The following CNTNAP5 variants were observed in gnomAD, a reference collection of about 807,000 sequenced individuals.
CNTNAP5 encodes contactin-associated protein-like 5.
Under a neutral mutation model 150.2 loss-of-function variants are expected in CNTNAP5, and 72 were observed. That is an observed-to-expected ratio of 0.48 (90% CI 0.40 to 0.58). CNTNAP5 has a LOEUF of 0.58. CNTNAP5 is among the 20% of genes least tolerant of loss of function. The pLI is 0.00. For missense variants in CNTNAP5, 1,636 were observed against 1,626.2 expected, an observed-to-expected ratio of 1.01 and a Z score of -0.10; for synonymous variants, 672 against 619.8, an observed-to-expected ratio of 1.08 and a Z score of -1.25.
intron 1 of CNTNAP5, among the ~76,000 whole-genome samples, chr2:124,153,603 CTT>C (rs948493792): frequency 1.4e-4 from 12 of 85,070 alleles, no homozygotes; most frequent in East Asian, 3.8e-4. Flanking sequence ...CCCCCCGGGA[CTT>C]TTTTTTTTTT....
intron 3 of CNTNAP5, among the ~76,000 whole-genome samples, chr2:124,259,106 T>A (rs956614752): frequency 1.3e-5 from 2 of 150,162 alleles, no homozygotes; most frequent in South Asian, 2.1e-4. Context: ...GAACATGTGA[T>A]GTTTGGTTTT....
rs370859068 is a variant in CNTNAP5 at position 124,647,855 on chromosome 2, C to A, written c.1974C>A (p.Tyr658Ter). Residue 658 changes from tyrosine (Y) to a stop codon, truncating the protein, a stop_gained, in exon 13 of 24, where the codon TAC (tyrosine) becomes TAA (stop). Coordinates refer to ENST00000682447, the MANE Select transcript of CNTNAP5 (RefSeq NM_001367498.1). LOFTEE classifies it high-confidence loss of function. ...PEKPYAMALDYGGSMEQLEAV... is the reference protein window; with the variant it reads ...PEKPYAMALD ...AGCCCTATGCCATGGCCTTGGACTACGGGGGCAGCATGGAACAGCTGGAGG... is the reference window on the plus strand; with the variant it reads ...AGCCCTATGCCATGGCCTTGGACTAAGGGGGCAGCATGGAACAGCTGGAGG... 1 of 1,613,240 alleles carries A rather than the reference C, an allele frequency of 6.2e-7. No homozygotes were observed. Among genetic ancestry groups the A allele is most frequent in the African/African-American group, 1.3e-5 (1 of 74,902 alleles).
intron 3 of CNTNAP5, among the ~76,000 whole-genome samples, chr2:124,370,413 C>T (rs190653429): frequency 2.2e-4 from 34 of 152,188 alleles, no homozygotes; most frequent in Middle Eastern, 3.4e-3. Flanking sequence ...TCTGCTGGAA[C>T]CCTGCTTTTA....
At chr2:124,605,822 AAAAAAAAAAAAG>A (rs1697093368) in intron 11 of CNTNAP5, among the ~76,000 whole-genome samples, 1 of 148,800 alleles carries the variant, frequency 6.7e-6, no homozygotes, top group Non-Finnish European at 1.5e-5. Context: ...AAAAAAAAAA[AAAAAAAAAAAAG>A]AAGGAAAGAA....
At chr2:124,858,703 G>A (rs1338119001) in intron 19 of CNTNAP5, among the ~76,000 whole-genome samples, 1 of 151,922 alleles carries the variant, frequency 6.6e-6, no homozygotes, top group Non-Finnish European at 1.5e-5. Flanking sequence ...GCATACAATG[G>A]ATACACAAAA....
chr2:124,687,322 C>T (rs992966045), intron 13 of CNTNAP5, among the ~76,000 whole-genome samples: 2 of 151,934 alleles, frequency 1.3e-5, no homozygotes, highest in Non-Finnish European at 2.9e-5. Context: ...ATACTCAGGT[C>T]TTCACTTAAC....
Position 124,084,090 on chromosome 2 carries a change from C to A in CNTNAP5, c.82+58358C>A. Among the ~76,000 whole-genome samples, 2 of 151,976 alleles carry A rather than the reference C, an allele frequency of 1.3e-5. 1 individual carries two copies. The highest frequency in any genetic ancestry group is 1.3e-4 in the Admixed American group (2 of 15,262). The stretch of plus-strand genomic sequence containing the variant: ...TTTTGTAGTTTTTAGCATAAAAGCC[C>A]TGGTCATGTTTTCTTTAGATTTAAT... On this transcript the variant is annotated intron_variant, in intron 1 of 23. Transcript: ENST00000682447.
chr2:124,676,050 T>C (rs902783754), intron 13 of CNTNAP5, among the ~76,000 whole-genome samples: 2 of 152,248 alleles, frequency 1.3e-5, no homozygotes, highest in African/African-American at 2.4e-5. Context: ...TTTACTGGAC[T>C]AATGATAAAA....
intron 7 of CNTNAP5, among the ~76,000 whole-genome samples, chr2:124,478,583 G>C (rs567223208): frequency 6.6e-6 from 1 of 151,960 alleles, no homozygotes; most frequent in Admixed American, 6.6e-5. Context: ...AATTTCTTAC[G>C]AGAAGCAATG....
intron 3 of CNTNAP5, among the ~76,000 whole-genome samples, chr2:124,310,723 T>C (rs967358338): frequency 6.6e-6 from 1 of 152,108 alleles, no homozygotes; most frequent in South Asian, 2.1e-4. Flanking sequence ...AAATAGGGAA[T>C]AATTTCAAGG....
At chr2:124,288,577 T>G (rs1030591870) in intron 3 of CNTNAP5, among the ~76,000 whole-genome samples, 3 of 152,228 alleles carry the variant, frequency 2.0e-5, no homozygotes, top group Admixed American at 2.0e-4. Context: ...ACTTTTATTT[T>G]GAGTTAACTT....
At chr2:124,544,731 G>A (rs1049727130) in intron 10 of CNTNAP5, among the ~76,000 whole-genome samples, 16 of 152,168 alleles carry the variant, frequency 1.1e-4, no homozygotes, top group Non-Finnish European at 2.2e-4. Flanking sequence ...CACTCTGCTA[G>A]GGCCAGTACT....
At chr2:124,799,156 T>A (rs549957125) in intron 19 of CNTNAP5, among the ~76,000 whole-genome samples, 2 of 152,190 alleles carry the variant, frequency 1.3e-5, no homozygotes, top group Non-Finnish European at 2.9e-5. Context: ...TAGGTTCTAG[T>A]GCCTAAATTG....
At chr2:124,791,204 A>T (rs1681720609) in intron 18 of CNTNAP5, among the ~76,000 whole-genome samples, 1 of 152,124 alleles carries the variant, frequency 6.6e-6, no homozygotes, top group Non-Finnish European at 1.5e-5. Context: ...AAAAGCACTC[A>T]CTGTTTTATT....
At chr2:124,213,770 A>ACT (rs2104728787) in intron 1 of CNTNAP5, among the ~76,000 whole-genome samples, 1 of 152,300 alleles carries the variant, frequency 6.6e-6, no homozygotes, top group South Asian at 2.1e-4. Flanking sequence ...AACAAAAAAA[A>ACT]ATCAGTGGCA....
At chr2:124,726,143 C>T (rs2105121821) in intron 13 of CNTNAP5, among the ~76,000 whole-genome samples, 1 of 151,500 alleles carries the variant, frequency 6.6e-6, no homozygotes, top group Middle Eastern at 3.4e-3. Context: ...TTAAATTTTC[C>T]CTTTTAATTA....
rs746649343 is a variant in CNTNAP5, at chr2:124,743,592, G to A, written c.2078-3637G>A. On this transcript the variant is annotated intron_variant, in intron 13 of 23. Coordinates refer to ENST00000682447, the MANE Select transcript of CNTNAP5 (RefSeq NM_001367498.1). Reference sequence around the variant, plus strand: ...GAGGTCATGGTGGTGCAGACAGCATGTCGACTGAATCCGTCTCTAGGCGTT... The same window carrying A: ...GAGGTCATGGTGGTGCAGACAGCATATCGACTGAATCCGTCTCTAGGCGTT... 3.9e-4 allele frequency among the ~76,000 whole-genome samples: 59 copies of A among 152,170 alleles called. 2 individuals are homozygous for A. Among genetic ancestry groups the A allele is most frequent in the Non-Finnish European group, 1.6e-4 (11 of 68,018 alleles).
chr2:124,451,840 C>T (rs746607130), intron 6 of CNTNAP5, among the ~76,000 whole-genome samples: 15 of 152,148 alleles, frequency 9.9e-5, no homozygotes, highest in Non-Finnish European at 1.6e-4. Context: ...TTACTTGGAG[C>T]TCATTGAATT....
intron 1 of CNTNAP5, among the ~76,000 whole-genome samples, chr2:124,076,579 T>C (rs985510889): frequency 9.9e-5 from 15 of 152,088 alleles, no homozygotes; most frequent in African/African-American, 3.6e-4. Flanking sequence ...GTCTTTAAAG[T>C]TTTTTTCTCA....
Sources: gnomAD v4.1 joint callset for allele counts (sites outside exome capture counted in the v4.1 genomes callset) on GRCh38, gnomAD v4.1.1 for gene constraint, MANE v1.5 for transcripts, NCBI Gene and HGNC (gene_info 2026-07-23, HGNC 2026-07-21) for gene names.